CNBD1: variants seen among roughly 807,000 people sequenced by gnomAD.
CNBD1 encodes the protein cyclic nucleotide binding domain containing 1, also known as cyclic nucleotide-binding domain-containing protein 1.
CNBD1 carries 71 observed loss-of-function variants against 54.4 expected under a neutral mutation model. The ratio of observed to expected loss-of-function variants is 1.30; its 90% CI spans 1.08 to 1.59. The LOEUF is 1.59. Among genes scored for constraint, CNBD1 ranks in the 40% most tolerant of loss-of-function variants. The pLI, the probability that CNBD1 is intolerant of heterozygous loss-of-function variation, is 0.00. For synonymous variants in CNBD1, 182 were observed against 170.7 expected, an observed-to-expected ratio of 1.07 and a Z score of -0.51; for missense variants, 659 against 518.0, an observed-to-expected ratio of 1.27 and a Z score of -2.64.
At chr8:87,322,392 A>G (rs1299220259) in intron 8 of CNBD1, among the ~76,000 whole-genome samples, 2 of 119,226 alleles carry the variant, frequency 1.7e-5, no homozygotes, top group East Asian at 2.1e-4. Flanking sequence ...GACTTCCACA[A>G]TGGTTGAACT....
intron 6 of CNBD1, among the ~76,000 whole-genome samples, chr8:87,261,587 C>A (rs1244993603): frequency 7.0e-6 from 1 of 143,782 alleles, no homozygotes; most frequent in Non-Finnish European, 1.5e-5. Context: ...GGTACAGAAA[C>A]AACTGGATTG....
chr8:87,366,447 G>GAC (rs1375401991), intron 10 of CNBD1, among the ~76,000 whole-genome samples: 22 of 152,030 alleles, frequency 1.4e-4, no homozygotes, highest in Non-Finnish European at 2.9e-4. Flanking sequence ...TCCTTCTGCT[G>GAC]ACCCTCTCTC....
chr8:86,941,046 A>G (rs1042453602), intron 4 of CNBD1, among the ~76,000 whole-genome samples: 1 of 152,228 alleles, frequency 6.6e-6, no homozygotes, highest in Non-Finnish European at 1.5e-5. Context: ...CTCAGAATGT[A>G]TCCCCGTTGT....
chr8:87,227,754 G>A lies in CNBD1; in HGVS notation c.578-9165G>A, dbSNP rs536129114. On this transcript the variant is annotated intron_variant, in intron 5 of 10. Coordinates refer to ENST00000518476, the MANE Select transcript of CNBD1 (RefSeq NM_173538.3). ...TCTTCTCGAGGAGTATCTTTGTGGC[G>A]TTCTCTGTATTTCCTGAATCTGAAC... Among the ~76,000 whole-genome samples the A allele has an allele frequency of 6.0e-5, 9 of 149,526 alleles. No homozygotes were observed. In the South Asian group the frequency reaches 6.3e-4, roughly 10 times the overall value.
At chr8:87,075,741 C>G (rs1478025312) in intron 4 of CNBD1, among the ~76,000 whole-genome samples, 1 of 152,088 alleles carries the variant, frequency 6.6e-6, no homozygotes, top group Non-Finnish European at 1.5e-5. Context: ...CTAGGCTGAA[C>G]CCCTAGTGTC....
intron 1 of CNBD1, among the ~76,000 whole-genome samples, chr8:86,886,423 T>C (rs932566806): frequency 6.6e-6 from 1 of 152,168 alleles, no homozygotes; most frequent in Non-Finnish European, 1.5e-5. Flanking sequence ...TATTTCCAAG[T>C]TTATTATGAT....
intron 4 of CNBD1, among the ~76,000 whole-genome samples, chr8:87,081,179 C>T (rs897061151): frequency 1.3e-5 from 2 of 151,842 alleles, no homozygotes; most frequent in East Asian, 3.9e-4. Context: ...TAGCTTCATC[C>T]TATTGTTTTT....
At chr8:87,329,229 A>G (rs1022136776) in intron 8 of CNBD1, among the ~76,000 whole-genome samples, 3 of 152,076 alleles carry the variant, frequency 2.0e-5, no homozygotes, top group Non-Finnish European at 4.4e-5. Flanking sequence ...GACTATTTTT[A>G]TGTGAGTTCA....
At chr8:87,402,671 C>T (rs754373153) in intron 2 of CNBD1, among the ~76,000 whole-genome samples, 2 of 151,952 alleles carry the variant, frequency 1.3e-5, no homozygotes, top group Non-Finnish European at 2.9e-5. Flanking sequence ...TGGCCAGGGC[C>T]AAATCTCAGG....
At chr8:87,219,656 T>C (rs1240357596) in intron 5 of CNBD1, among the ~76,000 whole-genome samples, 1 of 151,994 alleles carries the variant, frequency 6.6e-6, no homozygotes, top group Admixed American at 6.6e-5. Flanking sequence ...AACAGTTGGA[T>C]GGACAAGTCA....
In CNBD1 at chr8:87,054,396, C is replaced by A. The variant is rs539614327; in HGVS notation, c.431+114642C>A. Reference sequence around the variant, plus strand: ...AAAAAGAGACAGCTTAATTAATATTCCCCCCATCCAACCCCATTGAGGGCT... The same window carrying A: ...AAAAAGAGACAGCTTAATTAATATTACCCCCATCCAACCCCATTGAGGGCT... On this transcript the variant is annotated intron_variant, in intron 4 of 10. Transcript: ENST00000518476. Among the ~76,000 whole-genome samples the A allele has an allele frequency of 2.0e-5, 3 of 152,226 alleles. No individual in the cohort carries two copies. The East Asian group carries it at 5.8e-4, about 29-fold the overall frequency.
At chr8:87,128,365 A>G (rs1812043522) in intron 4 of CNBD1, among the ~76,000 whole-genome samples, 1 of 152,114 alleles carries the variant, frequency 6.6e-6, no homozygotes, top group African/African-American at 2.4e-5. Context: ...TCAGGGGCAC[A>G]CACCTTAGCT....
At chr8:87,057,643 G>A (rs547649945) in intron 4 of CNBD1, among the ~76,000 whole-genome samples, 23 of 152,268 alleles carry the variant, frequency 1.5e-4, no homozygotes, top group Non-Finnish European at 3.2e-4. Flanking sequence ...GAAGTCAGAA[G>A]TTTGAGACCA....
chr8:87,291,402 C>G (rs1808781593), intron 8 of CNBD1, among the ~76,000 whole-genome samples: 1 of 151,940 alleles, frequency 6.6e-6, no homozygotes, highest in Non-Finnish European at 1.5e-5. Flanking sequence ...TGCAGAGATG[C>G]CTCTTTGTCT....
intron 4 of CNBD1, among the ~76,000 whole-genome samples, chr8:87,011,957 T>A (rs576351827): frequency 6.6e-6 from 1 of 152,360 alleles, no homozygotes; most frequent in African/African-American, 2.4e-5. Flanking sequence ...CTGGGAACTT[T>A]GTTTTGTATA....
At chr8:87,373,532 G>A (rs1019469072) in intron 10 of CNBD1, among the ~76,000 whole-genome samples, 1 of 151,806 alleles carries the variant, frequency 6.6e-6, no homozygotes, top group South Asian at 2.1e-4. Context: ...TGCCTTAAAT[G>A]TAACTTGTTT....
chr8:87,306,703 C>G (rs1809159109), intron 8 of CNBD1, among the ~76,000 whole-genome samples: 1 of 151,534 alleles, frequency 6.6e-6, no homozygotes. Context: ...TATGTCGGAA[C>G]TAAGCTATGA....
At chr8:87,292,835 T>C (rs927507591) in intron 8 of CNBD1, among the ~76,000 whole-genome samples, 8 of 152,002 alleles carry the variant, frequency 5.3e-5, no homozygotes, top group African/African-American at 1.9e-4. Flanking sequence ...GTTCATCCCC[T>C]GTTTCACACG....
chr8:86,903,453 A>G (rs1808969290), intron 2 of CNBD1, among the ~76,000 whole-genome samples: 1 of 152,118 alleles, frequency 6.6e-6, no homozygotes, highest in Admixed American at 6.6e-5. Flanking sequence ...GTATCTTTTC[A>G]GGAACAAAAT....
Sources: allele counts gnomAD v4.1 joint callset (sites outside exome capture counted in the v4.1 genomes callset), GRCh38; gene constraint gnomAD v4.1.1; transcripts MANE v1.5; gene names NCBI Gene and HGNC (gene_info 2026-07-23, HGNC 2026-07-21).